The following HDGFL3 variants were observed in gnomAD, a reference collection of about 807,000 sequenced individuals.
HDGFL3 encodes hepatoma-derived growth factor-related protein 3.
A neutral mutation model predicts 27.6 loss-of-function variants in HDGFL3; 6 were observed. That is an observed-to-expected ratio of 0.22 (90% CI 0.12 to 0.43). HDGFL3 has a LOEUF of 0.43. Among genes scored for constraint, HDGFL3 ranks in the 20% least tolerant of loss-of-function variants. HDGFL3 has a pLI of 1.00. For missense variants in HDGFL3, 207 were observed against 250.1 expected, an observed-to-expected ratio of 0.83 and a Z score of 1.16; for synonymous variants, 88 against 88.9, an observed-to-expected ratio of 0.99 and a Z score of 0.05.
chr15:83,169,199 T>G, intron 1 of HDGFL3: 1 of 441,616 alleles, frequency 2.3e-6, no homozygotes, highest in South Asian at 1.6e-5. Context: ...CCTCGAGAAT[T>G]GAAACAAGAC....
intron 1 of HDGFL3, among the ~76,000 whole-genome samples, chr15:83,175,796 C>A (rs1392590495): frequency 1.3e-5 from 2 of 152,296 alleles, no homozygotes; most frequent in African/African-American, 4.8e-5. Context: ...GGAGGCAGAG[C>A]TTTCAGTGAC....
intron 1 of HDGFL3, among the ~76,000 whole-genome samples, chr15:83,200,967 A>G (rs2037638376): frequency 6.6e-6 from 1 of 152,046 alleles, no homozygotes; most frequent in Admixed American, 6.5e-5. Context: ...AGACAGAAAA[A>G]AATAATTTAT....
In HDGFL3 at chr15:83,132,550, A is replaced by G. The variant is rs1378787667; in HGVS notation, c.*6720T>C. 4 of 124,588 alleles carry G rather than the reference A, an allele frequency of 3.2e-5. No individual in the cohort carries two copies. Among genetic ancestry groups the G allele is most frequent in the Non-Finnish European group, 6.5e-5 (4 of 61,826 alleles). 7.7% of individuals were successfully genotyped at this position (124,588 alleles called of 1,614,324 possible). On this transcript the variant is annotated 3_prime_UTR_variant, in exon 6 of 6. Coordinates refer to ENST00000299633, the MANE Select transcript of HDGFL3 (RefSeq NM_016073.4). ...AATTTGGTTGTGAAGAGTTTACTGA[A>G]GTAAATTTATCATTTTTTTTTTAAC... is the stretch of plus-strand genomic sequence containing the variant.
chr15:83,120,450 C>T (rs2035114311), intron 3 of HDGFL3, among the ~76,000 whole-genome samples: 1 of 152,136 alleles, frequency 6.6e-6, no homozygotes, highest in Non-Finnish European at 1.5e-5. Context: ...ATTTCAAGTC[C>T]GGCCATCTTC....
intron 1 of HDGFL3, among the ~76,000 whole-genome samples, chr15:83,195,152 T>G (rs562364919): frequency 2.0e-5 from 3 of 152,330 alleles, no homozygotes; most frequent in Middle Eastern, 3.4e-3. Flanking sequence ...TTTTCCACGC[T>G]CTTTCTTAGT....
At position 83,119,166 on chromosome 15, in the gene HDGFL3, A is replaced by AG. The variant is rs1156571697; in HGVS notation, c.394-3426_394-3425insC. Among the ~76,000 whole-genome samples, 12 of 152,284 alleles carry AG rather than the reference A, an allele frequency of 7.9e-5. No individual in the cohort carries two copies. In the East Asian group the frequency reaches 2.3e-3, roughly 29 times the overall value. ...CCAGCAAGCCACGGGATCAGCATGA[A>AG]TTATTAAGGCCAGCCACTGGTTCTG... On this transcript the variant is annotated intron_variant, in intron 3 of 3. Transcript: ENST00000568294.
chr15:83,174,214 C>G (rs1391948168), intron 1 of HDGFL3, among the ~76,000 whole-genome samples: 12 of 152,122 alleles, frequency 7.9e-5, no homozygotes, highest in Admixed American at 7.9e-4. Flanking sequence ...TCCTCTGAAT[C>G]TGTTTTTCTT....
downstream of HDGFL3, among the ~76,000 whole-genome samples, chr15:83,123,303 C>T (rs759195054): frequency 8.5e-5 from 13 of 152,154 alleles, no homozygotes; most frequent in Non-Finnish European, 1.5e-5. Flanking sequence ...GTAGTCTACA[C>T]AGCCATACAA....
At chr15:83,126,608 T>C (rs2035767806), downstream of HDGFL3, 1 of 606,350 alleles carries the variant, frequency 1.6e-6, no homozygotes, top group Non-Finnish European at 2.9e-6. Context: ...CTGCAAAATA[T>C]TTCCATCATT....
intron 1 of HDGFL3, among the ~76,000 whole-genome samples, chr15:83,183,591 T>A (rs895250454): frequency 2.0e-5 from 3 of 151,974 alleles, no homozygotes; most frequent in African/African-American, 7.3e-5. Flanking sequence ...TGAAACCTCA[T>A]CTCCACTAAA....
At chr15:83,165,116 C>CTTCCCCTCT (rs2151406203) in intron 1 of HDGFL3, among the ~76,000 whole-genome samples, 1 of 152,322 alleles carries the variant, frequency 6.6e-6, no homozygotes, top group Non-Finnish European at 1.5e-5. Flanking sequence ...TGGTTATACG[C>CTTCCCCTCT]CAGCTTCCCC....
At chr15:83,113,983 A>G (rs936061238) in exon 4 of HDGFL3, 1 of 152,268 alleles carries the variant, frequency 6.6e-6, no homozygotes, top group Non-Finnish European at 1.5e-5. Flanking sequence ...CAATCCACAT[A>G]TAAGAAGCTC....
At chr15:83,171,916 G>C (rs912780279) in intron 1 of HDGFL3, among the ~76,000 whole-genome samples, 2 of 152,146 alleles carry the variant, frequency 1.3e-5, no homozygotes, top group Non-Finnish European at 2.9e-5. Context: ...AAAGAACACT[G>C]TATGAACATG....
Position 83,170,136 on chromosome 15 carries a change from C to A in HDGFL3, c.85-6061G>T, listed in dbSNP as rs910441687. ...GGAATAATCAGTATTGTTCAAATGT[C>A]CAGACTACCCAAAGCACTAAAGATT... On this transcript the variant is annotated intron_variant, in intron 1 of 5. Coordinates refer to ENST00000299633, the MANE Select transcript of HDGFL3 (RefSeq NM_016073.4). 5.9e-5 allele frequency among the ~76,000 whole-genome samples: 9 copies of A among 152,148 alleles called. No homozygotes were observed. The East Asian group carries it at 1.7e-3, about 29-fold the overall frequency.
chr15:83,118,230 TACACACACACACAC>T (rs72160704), intron 3 of HDGFL3, among the ~76,000 whole-genome samples: 37,326 of 146,282 alleles, frequency 0.26, 4,899 homozygotes, highest in African/African-American at 0.34. Flanking sequence ...TCTCTGTACG[TACACACACACACAC>T]ACACACACAC....
intron 1 of HDGFL3, among the ~76,000 whole-genome samples, chr15:83,166,464 T>G (rs140202274): frequency 4.2e-4 from 64 of 152,266 alleles, no homozygotes; most frequent in African/African-American, 1.5e-3. Context: ...TTAAGGAAGT[T>G]CTAAATACGG....
intron 3 of HDGFL3, chr15:83,121,900 T>G (rs1350715961): frequency 6.4e-7 from 1 of 1,573,452 alleles, no homozygotes. Flanking sequence ...AGTCAAGATT[T>G]TTTTGTTGTT....
chr15:83,112,992 C>CT (rs1227804646), exon 4 of HDGFL3: 3 of 1,104,530 alleles, frequency 2.7e-6, no homozygotes, highest in Non-Finnish European at 4.1e-6. Context: ...TGTGAATACT[C>CT]TGAGCCCTTT....
At chr15:83,171,129 C>T (rs545278110) in intron 1 of HDGFL3, among the ~76,000 whole-genome samples, 2 of 152,190 alleles carry the variant, frequency 1.3e-5, no homozygotes, top group East Asian at 3.9e-4. Context: ...ATACATGTGC[C>T]ATGTTGGTGT....
Sources: allele counts gnomAD v4.1 joint callset (sites outside exome capture counted in the v4.1 genomes callset), GRCh38; gene constraint gnomAD v4.1.1; transcripts MANE v1.5; gene names NCBI Gene and HGNC (gene_info 2026-07-23, HGNC 2026-07-21).